XRN2: variants seen among roughly 807,000 people sequenced by gnomAD.
XRN2 encodes DHM1-like protein.
A neutral mutation model predicts 138.5 loss-of-function variants in XRN2; 44 were observed. The ratio of observed to expected loss-of-function variants is 0.32; its 90% CI spans 0.25 to 0.41. XRN2 has a LOEUF of 0.41. XRN2 is among the 10% of genes least tolerant of loss of function. The pLI, the probability that XRN2 is intolerant of heterozygous loss-of-function variation, is 1.00. For synonymous variants in XRN2, 354 were observed against 369.4 expected, an observed-to-expected ratio of 0.96 and a Z score of 0.48; for missense variants, 937 against 1,169.3, an observed-to-expected ratio of 0.80 and a Z score of 2.90.
In XRN2 at chr20:21,334,089, A is replaced by G; in HGVS notation, c.1137A>G (p.Thr379=). 2.5e-6 allele frequency: 4 copies of G among 1,614,052 alleles called. No homozygotes were observed. Among genetic ancestry groups the G allele is most frequent in the Middle Eastern group, 1.7e-4 (1 of 6,054 alleles). ...NVVHKTGGYL[T]ESGYVNLQRV... ...TTTATCACTTACAGGGTTACCTTAC[A>G]GAAAGTGGTTATGTCAATCTGCAAA... is the stretch of plus-strand genomic sequence containing the variant. Residue 379 remains threonine (T), a synonymous_variant, in exon 13 of 30, where the codon ACA becomes ACG. Transcript: ENST00000377191.
intron 13 of XRN2, among the ~76,000 whole-genome samples, chr20:21,335,541 A>C (rs1051973484): frequency 2.6e-5 from 4 of 152,170 alleles, no homozygotes; most frequent in Non-Finnish European, 5.9e-5. Context: ...TTCTTTCCAA[A>C]AGCCTTCAGT....
intron 8 of XRN2, 109 bp from the exon 9 acceptor site, chr20:21,332,174 T>G (rs1236136350): frequency 6.7e-6 from 9 of 1,343,952 alleles, no homozygotes; most frequent in Non-Finnish European, 9.0e-6. Flanking sequence ...TGCTGCTCAT[T>G]TGGGTGCTCA....
chr20:21,379,671 T>C (rs910772577), intron 27 of XRN2, among the ~76,000 whole-genome samples: 3 of 152,316 alleles, frequency 2.0e-5, no homozygotes, highest in African/African-American at 7.2e-5. Flanking sequence ...TGCTGTTTTT[T>C]AAGACATTTC....
intron 1 of XRN2, among the ~76,000 whole-genome samples, chr20:21,317,997 G>T (rs1331836848): frequency 6.6e-6 from 1 of 152,168 alleles, no homozygotes; most frequent in African/African-American, 2.4e-5. Context: ...TGAAGAATTC[G>T]TACAAATTCT....
intron 15 of XRN2, among the ~76,000 whole-genome samples, chr20:21,342,374 AG>A (rs1173309055): frequency 6.6e-6 from 1 of 152,210 alleles, no homozygotes; most frequent in East Asian, 1.9e-4. Flanking sequence ...CAGCTTAAGA[AG>A]AAATTTGAAT....
intron 1 of XRN2, among the ~76,000 whole-genome samples, chr20:21,319,735 A>G (rs2038011560): frequency 6.6e-6 from 1 of 152,086 alleles, no homozygotes; most frequent in Non-Finnish European, 1.5e-5. Flanking sequence ...TTATTGTTAT[A>G]TATATTACAT....
chr20:21,322,161 T>C (rs1160524913), intron 1 of XRN2, among the ~76,000 whole-genome samples: 1 of 152,178 alleles, frequency 6.6e-6, no homozygotes, highest in Non-Finnish European at 1.5e-5. Flanking sequence ...GAATAATCCA[T>C]GAGTAAAAGC....
At chr20:21,387,970 T>C (rs1394837028) in intron 29 of XRN2, among the ~76,000 whole-genome samples, 2 of 152,202 alleles carry the variant, frequency 1.3e-5, no homozygotes, top group African/African-American at 4.8e-5. Context: ...TGTTACAGTT[T>C]ATTTGAATCA....
rs192022924 is a variant in XRN2, at chr20:21,356,437, T to G, written c.2119-149T>G. On this transcript the variant is annotated intron_variant, in intron 22 of 29. Coordinates refer to ENST00000377191, the MANE Select transcript of XRN2 (RefSeq NM_012255.5). ...TGGCTGAATAATACTCTATGTGTAC[T>G]TTTTTATCCACTTATCTATTGGTAA... The G allele has an allele frequency of 8.7e-5, 58 of 670,018 alleles. 1 individual carries two copies. Among genetic ancestry groups the G allele is most frequent in the African/African-American group, 6.6e-4 (36 of 54,384 alleles). The allele number at this position is 670,018 out of a possible 1,614,324, so 41.5% of individuals were successfully genotyped here.
At chr20:21,381,717 C>T (rs2038886274) in intron 27 of XRN2, among the ~76,000 whole-genome samples, 1 of 3,574 alleles carries the variant, frequency 2.8e-4, no homozygotes, top group Admixed American at 2.6e-3. Flanking sequence ...CACACATACA[C>T]ACACACACAC....
intron 14 of XRN2, 126 bp from the exon 15 acceptor site, chr20:21,340,595 G>T: frequency 1.0e-6 from 1 of 968,610 alleles, no homozygotes; most frequent in Non-Finnish European, 1.5e-6. Flanking sequence ...AAGATCATTT[G>T]GTTTTTTAGT....
At chr20:21,367,689 T>C (rs1170188546) in intron 26 of XRN2, among the ~76,000 whole-genome samples, 2 of 152,194 alleles carry the variant, frequency 1.3e-5, no homozygotes, top group Non-Finnish European at 2.9e-5. Flanking sequence ...GGGTAGTTCC[T>C]AAACACTATG....
intron 27 of XRN2, among the ~76,000 whole-genome samples, chr20:21,375,620 A>C (rs2038811930): frequency 6.6e-6 from 1 of 151,568 alleles, no homozygotes; most frequent in Non-Finnish European, 1.5e-5. Context: ...TAATCTTTTA[A>C]AAATATATTT....
At chr20:21,351,526 T>G (rs1179787163) in intron 20 of XRN2, among the ~76,000 whole-genome samples, 1 of 152,240 alleles carries the variant, frequency 6.6e-6, no homozygotes, top group Non-Finnish European at 1.5e-5. Flanking sequence ...ATGTATTTTC[T>G]CTTATTCTGT....
At chr20:21,384,115 A>G (rs1274254723) in intron 28 of XRN2, among the ~76,000 whole-genome samples, 1 of 152,180 alleles carries the variant, frequency 6.6e-6, no homozygotes, top group East Asian at 1.9e-4. Context: ...TAATCCATAT[A>G]TCCAGTAGAT....
At chr20:21,362,933 A>G (rs1167078321) in intron 24 of XRN2, among the ~76,000 whole-genome samples, 1 of 152,030 alleles carries the variant, frequency 6.6e-6, no homozygotes, top group Admixed American at 6.6e-5. Flanking sequence ...CCACATCCCC[A>G]TTGAGAAGGG....
intron 26 of XRN2, among the ~76,000 whole-genome samples, chr20:21,366,500 T>C (rs2038704977): frequency 6.7e-6 from 1 of 149,414 alleles, no homozygotes; most frequent in African/African-American, 2.5e-5. Flanking sequence ...GAGCTTGCAG[T>C]GAGCTGAGAT....
At chr20:21,331,410 C>T (rs1055189805) in intron 6 of XRN2, 151 bp from the exon 7 acceptor site, 2 of 623,364 alleles carry the variant, frequency 3.2e-6, no homozygotes, top group South Asian at 3.9e-5. Context: ...CACACACACA[C>T]ACACACACAC....
intron 27 of XRN2, among the ~76,000 whole-genome samples, chr20:21,370,335 C>T (rs922731430): frequency 2.0e-5 from 3 of 152,030 alleles, no homozygotes; most frequent in African/African-American, 7.2e-5. Flanking sequence ...TTTGATTATT[C>T]TGGGTCTGTT....
Sources: gnomAD v4.1 joint callset for allele counts (sites outside exome capture counted in the v4.1 genomes callset) on GRCh38, gnomAD v4.1.1 for gene constraint, MANE v1.5 for transcripts, NCBI Gene and HGNC (gene_info 2026-07-23, HGNC 2026-07-21) for gene names.